The following CNTLN variants were observed in gnomAD, a reference collection of about 807,000 sequenced individuals.
CNTLN encodes centlein.
In CNTLN, 212 loss-of-function variants were observed where a neutral mutation model predicts 180.0. The observed-to-expected ratio is 1.18, with a 90% CI of 1.05 to 1.32. CNTLN has a LOEUF of 1.32. Ranked by LOEUF, CNTLN falls within the 40% of genes most tolerant of loss-of-function variation. The pLI is 0.00. For synonymous variants in CNTLN, 722 were observed against 563.1 expected (o/e 1.28, Z -3.99); for missense variants, 2,095 against 1,610.9 (o/e 1.30, Z -5.14).
At chr9:17,368,066 G>T (rs781229530) in intron 13 of CNTLN, among the ~76,000 whole-genome samples, 1 of 152,044 alleles carries the variant, frequency 6.6e-6, no homozygotes, top group Non-Finnish European at 1.5e-5. Flanking sequence ...TCCAGGCTTT[G>T]GCTCTTAGTT....
chr9:17,204,873 A>G (rs1159684673), intron 2 of CNTLN, among the ~76,000 whole-genome samples: 1 of 152,144 alleles, frequency 6.6e-6, no homozygotes, highest in Non-Finnish European at 1.5e-5. Flanking sequence ...CCTTTCCTTC[A>G]CAAATGCCCT....
At chr9:17,197,834 C>T (rs1184974748) in intron 2 of CNTLN, among the ~76,000 whole-genome samples, 1 of 152,086 alleles carries the variant, frequency 6.6e-6, no homozygotes, top group African/African-American at 2.4e-5. Flanking sequence ...GGAGAGTTCC[C>T]CCAATGTTTT....
rs1300039269 is a variant in CNTLN, at chr9:17,249,356, T to G, written c.849+12768T>G. 9.5e-5 allele frequency among the ~76,000 whole-genome samples: 14 copies of G among 147,802 alleles called. 1 individual carries two copies. Among genetic ancestry groups the G allele is most frequent in the Non-Finnish European group, 1.6e-4 (11 of 66,816 alleles). ...TTGGTTCTTTGATTGTTTTTTTTGT[T>G]TTTTTTTTTTGAGCTGGAGTCTCGC... On this transcript the variant is annotated intron_variant, in intron 5 of 25. Coordinates refer to ENST00000380647, the MANE Select transcript of CNTLN (RefSeq NM_017738.4).
At chr9:17,498,577 C>T (rs1192283947) in intron 25 of CNTLN, among the ~76,000 whole-genome samples, 2 of 152,122 alleles carry the variant, frequency 1.3e-5, no homozygotes, top group Admixed American at 6.6e-5. Flanking sequence ...GTCAGATATC[C>T]CCGTTAAATT....
rs752113535 is a variant in CNTLN, at chr9:17,466,122, T to C, written c.3669+4T>C. The C allele has an allele frequency of 1.3e-6, 2 of 1,596,622 alleles. No individual in the cohort carries two copies. The highest frequency in any genetic ancestry group is 2.3e-5 in the South Asian group (2 of 88,858). ...TAAAGAGGAGTTAGAAAAAAAGGTA[T>C]GCTTTTAAAAAGGGCATTTTAGATT... is the stretch of plus-strand genomic sequence containing the variant. On this transcript the variant is annotated splice_donor_region_variant and intron_variant, in intron 22 of 25. Coordinates refer to ENST00000380647, the MANE Select transcript of CNTLN (RefSeq NM_017738.4).
chr9:17,263,349 A>G (rs1157418584), intron 5 of CNTLN, among the ~76,000 whole-genome samples: 4 of 150,764 alleles, frequency 2.7e-5, no homozygotes, highest in African/African-American at 9.9e-5. Flanking sequence ...ACTTTCATCC[A>G]TGTCCCTACA....
At chr9:17,339,904 A>G (rs2133197406) in intron 10 of CNTLN, among the ~76,000 whole-genome samples, 1 of 152,312 alleles carries the variant, frequency 6.6e-6, no homozygotes, top group African/African-American at 2.4e-5. Flanking sequence ...CTGTAATTCC[A>G]GCATTTTGGG....
At chr9:17,457,438 T>C (rs4961564) in intron 18 of CNTLN, 86 bp from the exon 19 acceptor site, 7,797 of 709,166 alleles carry the variant, frequency 0.011, 238 homozygotes, top group East Asian at 0.11. Flanking sequence ...TTTTCCTAGC[T>C]GTAGAATTTT....
chr9:17,320,589 G>T (rs1587647280), intron 8 of CNTLN, among the ~76,000 whole-genome samples: 1 of 152,158 alleles, frequency 6.6e-6, no homozygotes, highest in East Asian at 1.9e-4. Context: ...TGCAACCTCC[G>T]CCTCCTGGGT....
chr9:17,188,926 C>G (rs1821608765), intron 2 of CNTLN, among the ~76,000 whole-genome samples: 1 of 151,586 alleles, frequency 6.6e-6, no homozygotes, highest in Non-Finnish European at 1.5e-5. Flanking sequence ...CTTTGCATAC[C>G]TAATAATTTT....
intron 2 of CNTLN, among the ~76,000 whole-genome samples, chr9:17,225,777 A>T (rs889121100): frequency 6.6e-6 from 1 of 152,026 alleles, no homozygotes; most frequent in Non-Finnish European, 1.5e-5. Flanking sequence ...AGGTGTCAGA[A>T]ATCAAAAAAT....
intron 16 of CNTLN, among the ~76,000 whole-genome samples, chr9:17,411,241 C>G (rs1015626855): frequency 6.6e-6 from 1 of 152,048 alleles, no homozygotes; most frequent in Non-Finnish European, 1.5e-5. Context: ...GTAGGTCAGA[C>G]AATACATGCC....
At chr9:17,257,686 G>T (rs1469967989) in intron 5 of CNTLN, among the ~76,000 whole-genome samples, 1 of 151,152 alleles carries the variant, frequency 6.6e-6, no homozygotes, top group Non-Finnish European at 1.5e-5. Flanking sequence ...GTGTGAGATG[G>T]TATCTCATTG....
At chr9:17,359,791 TCAGGAGGCTGAGG>T (rs1484269524) in intron 12 of CNTLN, among the ~76,000 whole-genome samples, 4 of 127,794 alleles carry the variant, frequency 3.1e-5, no homozygotes, top group African/African-American at 1.1e-4. Flanking sequence ...TCCCAGCTAC[TCAGGAGGCTGAGG>T]CAGGAGAATG....
intron 2 of CNTLN, among the ~76,000 whole-genome samples, chr9:17,176,511 T>A (rs1385037925): frequency 6.6e-6 from 1 of 152,234 alleles, no homozygotes; most frequent in Non-Finnish European, 1.5e-5. Flanking sequence ...AAGGATTGAT[T>A]GCATCTCTAA....
intron 8 of CNTLN, among the ~76,000 whole-genome samples, chr9:17,318,529 G>T (rs564907821): frequency 1.1e-4 from 16 of 152,258 alleles, no homozygotes; most frequent in South Asian, 1.0e-3. Flanking sequence ...CTTTGATATT[G>T]ACTTATATGT....
the CNTLN span, among the ~76,000 whole-genome samples, chr9:17,519,656 T>A: frequency 6.6e-6 from 1 of 152,184 alleles, no homozygotes; most frequent in African/African-American, 2.4e-5. Flanking sequence ...GATCATGGAC[T>A]CCATCACCGA....
chr9:17,359,717 TAAAAATACAAAAAAAAAAA>T (rs1386516955), intron 12 of CNTLN, among the ~76,000 whole-genome samples: 1 of 13,478 alleles, frequency 7.4e-5, no homozygotes, highest in Non-Finnish European at 1.7e-4. Context: ...CCGTCTATAC[TAAAAATACAAAAAAAAAAA>T]AAAAAAAAAA....
At chr9:17,303,742 TG>T (rs1440670370) in intron 7 of CNTLN, among the ~76,000 whole-genome samples, 2 of 152,182 alleles carry the variant, frequency 1.3e-5, no homozygotes, top group Non-Finnish European at 2.9e-5. Flanking sequence ...ATTTTTAGAT[TG>T]TTTTCTAATT....
Sources: allele counts gnomAD v4.1 joint callset (sites outside exome capture counted in the v4.1 genomes callset), GRCh38; gene constraint gnomAD v4.1.1; transcripts MANE v1.5; gene names NCBI Gene and HGNC (gene_info 2026-07-23, HGNC 2026-07-21).